The following FOXK2 variants were observed in gnomAD, a reference collection of about 807,000 sequenced individuals.
The protein encoded by FOXK2 is forkhead box protein K2.
Under a neutral mutation model 53.3 loss-of-function variants are expected in FOXK2, and 24 were observed. The ratio of observed to expected loss-of-function variants is 0.45; its 90% CI spans 0.33 to 0.63. The LOEUF is 0.63. Ranked by LOEUF, FOXK2 falls within the 30% of genes least tolerant of loss-of-function variation. The probability of loss-of-function intolerance (pLI) is 0.03; values close to 1 mark genes in which losing one functional copy is unlikely to be tolerated. For missense variants in FOXK2, 952 were observed against 910.5 expected (o/e 1.05, Z -0.59); for synonymous variants, 505 against 407.1 (o/e 1.24, Z -2.89).
At chr17:82,529,366 G>T in intron 1 of FOXK2, among the ~76,000 whole-genome samples, 1 of 150,332 alleles carries the variant, frequency 6.7e-6, no homozygotes. Flanking sequence ...GGAATTACAG[G>T]CACGTGCCAC....
At chr17:82,598,732 CGTGGGCAA>C (rs2045346030) in intron 8 of FOXK2, among the ~76,000 whole-genome samples, 1 of 152,238 alleles carries the variant, frequency 6.6e-6, no homozygotes. Context: ...AATTAGGCTG[CGTGGGCAA>C]GTGAGTTTCA....
At chr17:82,569,018 A>G (rs554547096) in intron 3 of FOXK2, among the ~76,000 whole-genome samples, 34 of 152,342 alleles carry the variant, frequency 2.2e-4, no homozygotes, top group Non-Finnish European at 4.4e-4. Flanking sequence ...TTTCAAAAAA[A>G]TAAAATAAAA....
intron 4 of FOXK2, among the ~76,000 whole-genome samples, chr17:82,574,736 A>T (rs1444659748): frequency 6.6e-6 from 1 of 152,026 alleles, no homozygotes; most frequent in African/African-American, 2.4e-5. Flanking sequence ...AGTGCCTCAG[A>T]CCTTATTCTG....
intron 8 of FOXK2, chr17:82,596,088 T>G: frequency 4.5e-6 from 4 of 897,050 alleles, no homozygotes; most frequent in Non-Finnish European, 5.6e-6. Context: ...GTAGACACAT[T>G]AGAGTCGGTT....
intron 4 of FOXK2, among the ~76,000 whole-genome samples, chr17:82,572,908 C>T (rs1233560163): frequency 6.6e-6 from 1 of 152,098 alleles, no homozygotes; most frequent in East Asian, 1.9e-4. Context: ...AAATAGCCTA[C>T]CGGCCGGGCA....
intron 4 of FOXK2, chr17:82,576,881 T>C: frequency 2.1e-6 from 1 of 487,400 alleles, no homozygotes; most frequent in Non-Finnish European, 3.7e-6. Context: ...GTATGCAGGC[T>C]GGGTGCGGTG....
At chr17:82,583,359 A>G (rs536434845) in intron 5 of FOXK2, among the ~76,000 whole-genome samples, 3 of 152,280 alleles carry the variant, frequency 2.0e-5, no homozygotes, top group African/African-American at 4.8e-5. Context: ...AGCCTGGCCA[A>G]TATGGTCAAA....
At chr17:82,569,179 G>GTA (rs2044885715) in intron 3 of FOXK2, among the ~76,000 whole-genome samples, 1 of 152,094 alleles carries the variant, frequency 6.6e-6, no homozygotes, top group Non-Finnish European at 1.5e-5. Flanking sequence ...ACCATGCATG[G>GTA]TATTACTTGA....
At position 82,601,560 on chromosome 17, in the gene FOXK2, T is replaced by G. The variant is rs968766712; in HGVS notation, c.*61T>G. 29 of 1,495,398 alleles carry G rather than the reference T, an allele frequency of 1.9e-5. No homozygotes were observed. The Admixed American group carries it at 5.8e-4, about 30-fold the overall frequency. The allele number at this position is 1,495,398 out of a possible 1,614,324, so 92.6% of individuals were successfully genotyped here. On this transcript the variant is annotated 3_prime_UTR_variant, in exon 9 of 9. Transcript: ENST00000335255. ...TGTGGTGCCAAAAGGAGACGCGGCC[T>G]CCCGCCAGCACTCGGGGGTGCAGGG... is the stretch of plus-strand genomic sequence containing the variant.
At chr17:82,585,622 T>C (rs1460642526) in intron 6 of FOXK2, among the ~76,000 whole-genome samples, 4 of 152,202 alleles carry the variant, frequency 2.6e-5, no homozygotes, top group African/African-American at 9.7e-5. Context: ...TTATTGAGTA[T>C]TGACATTTTC....
intron 8 of FOXK2, chr17:82,599,085 G>T: frequency 6.6e-6 from 1 of 151,008 alleles, no homozygotes; most frequent in Middle Eastern, 3.5e-3. Flanking sequence ...CTTTCTGGAA[G>T]CTGAGCAGCT....
chr17:82,534,631 A>G (rs922321151), intron 1 of FOXK2, among the ~76,000 whole-genome samples: 3 of 152,138 alleles, frequency 2.0e-5, no homozygotes, highest in African/African-American at 7.2e-5. Flanking sequence ...CGCACATGAG[A>G]TGGTCTCTAG....
intron 8 of FOXK2, 74 bp from the exon 9 acceptor site, chr17:82,601,229 G>GT: frequency 1.3e-6 from 2 of 1,486,198 alleles, no homozygotes; most frequent in Non-Finnish European, 1.8e-6. Flanking sequence ...GAGGGTTCAC[G>GT]TGAGAGCGTG....
chr17:82,521,774 C>CA (rs768862024), intron 1 of FOXK2, among the ~76,000 whole-genome samples: 17,322 of 116,374 alleles, frequency 0.15, 1,280 homozygotes, highest in African/African-American at 0.22. Context: ...ACTAAAAATA[C>CA]AAAAAAAAAA....
rs529578841 is a variant in FOXK2, at chr17:82,582,178, G to T, written c.910-563G>T. 3.3e-5 allele frequency among the ~76,000 whole-genome samples: 5 copies of T among 152,180 alleles called. No homozygotes were observed. The South Asian group carries it at 1.0e-3, about 32-fold the overall frequency. Reference sequence around the variant, plus strand: ...CTCTGTTTGTCTCCAAGCAGGGAGAGGTTGGCAGCTAAGTCATTGCCTCCA... The same window carrying T: ...CTCTGTTTGTCTCCAAGCAGGGAGATGTTGGCAGCTAAGTCATTGCCTCCA... On this transcript the variant is annotated intron_variant, in intron 4 of 8. Transcript: ENST00000335255.
At chr17:82,583,881 G>A in intron 5 of FOXK2, 132 bp from the exon 6 acceptor site, 1 of 916,624 alleles carries the variant, frequency 1.1e-6, no homozygotes, top group South Asian at 1.8e-5. Context: ...CAGAGACGTA[G>A]AACTTACACA....
intron 5 of FOXK2, among the ~76,000 whole-genome samples, chr17:82,583,570 T>C (rs1259495901): frequency 6.6e-6 from 1 of 152,250 alleles, no homozygotes; most frequent in Non-Finnish European, 1.5e-5. Flanking sequence ...CACTACTTTT[T>C]AGCTGCTTAA....
chr17:82,585,267 C>T (rs2045120492), intron 6 of FOXK2: 1 of 152,178 alleles, frequency 6.6e-6, no homozygotes. Flanking sequence ...AGATGTTGAT[C>T]CTAGGTGAGT....
rs1021212838 is a variant in FOXK2, at chr17:82,519,835, G to A, written c.-54G>A. On this transcript the variant is annotated 5_prime_UTR_variant, in exon 1 of 9. Coordinates refer to ENST00000335255, the MANE Select transcript of FOXK2 (RefSeq NM_004514.4). ...CGACGACCCGCGCGGCCTGGGCCTCGGCCCGCGCCACCGGCGCCCGCGCGG... is the reference window on the plus strand; with the variant it reads ...CGACGACCCGCGCGGCCTGGGCCTCAGCCCGCGCCACCGGCGCCCGCGCGG... The A allele has an allele frequency of 1.0e-5, 8 of 784,598 alleles. No homozygotes were observed. The African/African-American group carries it at 1.2e-4, about 11-fold the overall frequency. The allele number at this position is 784,598 out of a possible 1,614,324, so 48.6% of individuals were successfully genotyped here.
Sources: allele counts gnomAD v4.1 joint callset (sites outside exome capture counted in the v4.1 genomes callset), GRCh38; gene constraint gnomAD v4.1.1; transcripts MANE v1.5; gene names NCBI Gene and HGNC (gene_info 2026-07-23, HGNC 2026-07-21).